The following DOCK1 variants were observed in gnomAD, a reference collection of about 807,000 sequenced individuals.
DOCK1 encodes dedicator of cytokinesis protein 1.
Under a neutral mutation model 262.7 loss-of-function variants are expected in DOCK1, and 138 were observed. The ratio of observed to expected loss-of-function variants is 0.53; its 90% confidence interval spans 0.46 to 0.61. The LOEUF is 0.61. DOCK1 is among the 20% of genes least tolerant of loss of function. The pLI is 0.00. For synonymous variants in DOCK1, 866 were observed against 867.4 expected (o/e 1.00, Z 0.03); for missense variants, 1,908 against 2,370.7 (o/e 0.80, Z 4.05).
At chr10:127,136,930 C>T (rs1320472721) in intron 27 of DOCK1, 1 of 152,628 alleles carries the variant, frequency 6.6e-6, no homozygotes, top group Admixed American at 6.5e-5. Flanking sequence ...AAAACACTGT[C>T]TGCCATGGCA....
intron 19 of DOCK1, among the ~76,000 whole-genome samples, chr10:127,038,849 A>G (rs144823957): frequency 6.6e-6 from 1 of 152,260 alleles, no homozygotes; most frequent in Non-Finnish European, 1.5e-5. Flanking sequence ...ATACCCCACA[A>G]TTTGCTGGGG....
intron 27 of DOCK1, among the ~76,000 whole-genome samples, chr10:127,150,886 T>C (rs145952340): frequency 1.3e-5 from 2 of 152,328 alleles, no homozygotes; most frequent in African/African-American, 4.8e-5. Flanking sequence ...GGCAGATCAT[T>C]TGAAACTGTA....
chr10:127,403,488 A>T (rs2067340703), intron 39 of DOCK1, among the ~76,000 whole-genome samples: 1 of 152,194 alleles, frequency 6.6e-6, no homozygotes, highest in Non-Finnish European at 1.5e-5. Context: ...GGCCAGGCGC[A>T]CTGGCTCACG....
rs527991150 is a variant in DOCK1, at chr10:127,195,534, A to T, written c.2848-52474A>T. ...TCTGTTCCAACTCATCCCCCCCCCG[A>T]AGTTAATCAGCCGTACTTGTACTTT... On this transcript the variant is annotated intron_variant, in intron 27 of 51. Transcript: ENST00000623213. 1.3e-4 allele frequency among the ~76,000 whole-genome samples: 18 copies of T among 140,658 alleles called. No individual in the cohort carries two copies. The East Asian group carries it at 3.5e-3, about 28-fold the overall frequency. 92.3% of individuals were successfully genotyped at this position (140,658 alleles called of 152,430 possible).
chr10:127,348,954 AAAATT>A lies in DOCK1; in HGVS notation c.3224+5214_3224+5218del, dbSNP rs542784443. Among the ~76,000 whole-genome samples the A allele has an allele frequency of 7.9e-5, 12 of 152,306 alleles. 1 individual carries two copies. The highest frequency in any genetic ancestry group is 2.9e-4 in the African/African-American group (12 of 41,566). ...TTTTTTCAAGAGACTGAAATTATTC[AAAATT>A]AAATTCACTTATTAGAAGGAGACTC... On this transcript the variant is annotated intron_variant, in intron 31 of 51. Transcript: ENST00000623213.
At chr10:127,051,837 C>A (rs986215985) in intron 21 of DOCK1, among the ~76,000 whole-genome samples, 1 of 152,156 alleles carries the variant, frequency 6.6e-6, no homozygotes, top group African/African-American at 2.4e-5. Flanking sequence ...CCTGCCTTGG[C>A]CTCCCAAAGT....
chr10:127,361,361 G>T (rs188529889), intron 32 of DOCK1, among the ~76,000 whole-genome samples: 3 of 151,978 alleles, frequency 2.0e-5, no homozygotes, highest in Non-Finnish European at 2.9e-5. Context: ...TGATCTGCCC[G>T]CCTTGGCCTC....
At chr10:127,393,171 A>G (rs1320690755) in intron 38 of DOCK1, among the ~76,000 whole-genome samples, 1 of 152,142 alleles carries the variant, frequency 6.6e-6, no homozygotes. Flanking sequence ...TAGGGGAAAC[A>G]ACGCAATTCC....
chr10:127,263,630 A>G (rs189628477), intron 29 of DOCK1, among the ~76,000 whole-genome samples: 12 of 152,350 alleles, frequency 7.9e-5, no homozygotes, highest in Non-Finnish European at 1.5e-4. Context: ...CTAAGGTTTC[A>G]CTGAAGCTCT....
intron 48 of DOCK1, among the ~76,000 whole-genome samples, chr10:127,435,894 C>A (rs554680894): frequency 1.3e-5 from 2 of 152,188 alleles, no homozygotes; most frequent in African/African-American, 4.8e-5. Context: ...AGTTGCTTCT[C>A]GTAATATGAA....
intron 1 of DOCK1, among the ~76,000 whole-genome samples, chr10:126,915,015 A>C (rs1476853602): frequency 1.3e-5 from 2 of 152,100 alleles, no homozygotes; most frequent in South Asian, 4.2e-4. Flanking sequence ...CCTTCTGCTC[A>C]CATTTTCTCA....
At chr10:126,987,708 C>A in intron 5 of DOCK1, 91 bp downstream of exon 5, 1 of 1,176,814 alleles carries the variant, frequency 8.5e-7, no homozygotes. Flanking sequence ...TTTTTCTCAG[C>A]GAAACTTAAA....
chr10:127,436,359 A>C (rs1445399140), intron 48 of DOCK1, among the ~76,000 whole-genome samples: 3 of 152,094 alleles, frequency 2.0e-5, no homozygotes, highest in African/African-American at 7.2e-5. Flanking sequence ...TCTACAAAAA[A>C]ATATAAAAAT....
chr10:126,928,219 C>T (rs1486300777), intron 1 of DOCK1, among the ~76,000 whole-genome samples: 1 of 152,200 alleles, frequency 6.6e-6, no homozygotes, highest in African/African-American at 2.4e-5. Context: ...GAATAAGGGC[C>T]TGGAGGAACA....
At chr10:127,223,175 A>G (rs2058506352) in intron 27 of DOCK1, among the ~76,000 whole-genome samples, 1 of 152,196 alleles carries the variant, frequency 6.6e-6, no homozygotes, top group Non-Finnish European at 1.5e-5. Flanking sequence ...ATGTCTGATT[A>G]TTTAGTTTTA....
chr10:127,290,564 T>A (rs1214611999), intron 29 of DOCK1, among the ~76,000 whole-genome samples: 1 of 152,204 alleles, frequency 6.6e-6, no homozygotes, highest in Non-Finnish European at 1.5e-5. Context: ...CACTCTTTTA[T>A]AGGTCAAGCC....
intron 2 of DOCK1, among the ~76,000 whole-genome samples, chr10:126,973,353 T>A (rs866310447): frequency 1.3e-5 from 2 of 151,902 alleles, no homozygotes; most frequent in African/African-American, 2.4e-5. Flanking sequence ...CTCAGCATCC[T>A]GAGTACCTGG....
At chr10:127,070,445 G>T (rs1048422985) in intron 23 of DOCK1, among the ~76,000 whole-genome samples, 5 of 151,648 alleles carry the variant, frequency 3.3e-5, no homozygotes, top group Non-Finnish European at 7.4e-5. Context: ...GTAGAGACAG[G>T]GTTTCACCAC....
At chr10:127,125,359 C>G in intron 25 of DOCK1, 115 bp from the exon 26 acceptor site, 1 of 1,433,258 alleles carries the variant, frequency 7.0e-7, no homozygotes, top group Non-Finnish European at 9.5e-7. Flanking sequence ...GATGTCAGTT[C>G]CACGTGTTGC....
Sources: allele counts gnomAD v4.1 joint callset (sites outside exome capture counted in the v4.1 genomes callset), GRCh38; gene constraint gnomAD v4.1.1; transcripts MANE v1.5; gene names NCBI Gene and HGNC (gene_info 2026-07-23, HGNC 2026-07-21).